The following MPP7 variants were observed in gnomAD, a reference collection of about 807,000 sequenced individuals.
MPP7 encodes MAGUK p55 scaffold protein 7.
In MPP7, 60 loss-of-function variants were observed where a neutral mutation model predicts 76.5. The ratio of observed to expected loss-of-function variants is 0.78; its 90% CI spans 0.64 to 0.97. The LOEUF (loss-of-function observed/expected upper bound fraction) is 0.97, where lower values mean the gene tolerates loss of function less well. Among genes scored for constraint, MPP7 ranks in the 50% least tolerant of loss-of-function variants. The pLI is 0.00. For missense variants in MPP7, 641 were observed against 694.0 expected, an observed-to-expected ratio of 0.92 and a Z score of 0.86; for synonymous variants, 237 against 244.5, an observed-to-expected ratio of 0.97 and a Z score of 0.29.
chr10:28,077,384 A>G (rs1852545326), intron 12 of MPP7, among the ~76,000 whole-genome samples: 1 of 152,144 alleles, frequency 6.6e-6, no homozygotes, highest in Middle Eastern at 3.2e-3. Flanking sequence ...AAAAATAGAG[A>G]CATAATTTCA....
intron 1 of MPP7, among the ~76,000 whole-genome samples, chr10:28,239,823 T>C (rs1839206896): frequency 6.6e-6 from 1 of 152,228 alleles, no homozygotes; most frequent in Non-Finnish European, 1.5e-5. Flanking sequence ...TTTCATCTTC[T>C]TAAGCCTTAA....
chr10:28,277,279 C>G (rs1296134681), intron 1 of MPP7, among the ~76,000 whole-genome samples: 1 of 151,628 alleles, frequency 6.6e-6, no homozygotes, highest in Non-Finnish European at 1.5e-5. Context: ...TGAGTCCAAT[C>G]TTTTGGCTTT....
intron 15 of MPP7, among the ~76,000 whole-genome samples, chr10:28,057,135 A>G: frequency 6.6e-6 from 1 of 152,158 alleles, no homozygotes; most frequent in East Asian, 1.9e-4. Flanking sequence ...GTGAGAGCTG[A>G]AAGTTATTAT....
chr10:28,283,701 G>A (rs1589027375), intron 1 of MPP7, among the ~76,000 whole-genome samples: 1 of 152,106 alleles, frequency 6.6e-6, no homozygotes, highest in Non-Finnish European at 1.5e-5. Context: ...TTTTAGTAGA[G>A]ACGAGGTTTC....
At chr10:28,204,549 C>T (rs1588921392) in intron 2 of MPP7, among the ~76,000 whole-genome samples, 1 of 151,852 alleles carries the variant, frequency 6.6e-6, no homozygotes, top group South Asian at 2.1e-4. Context: ...AAGGATTGTA[C>T]CAATGGCAAT....
intron 5 of MPP7, among the ~76,000 whole-genome samples, chr10:28,134,009 T>C (rs958314725): frequency 6.6e-6 from 1 of 152,204 alleles, no homozygotes; most frequent in Non-Finnish European, 1.5e-5. Context: ...CAAATAATGC[T>C]GCCATAAATG....
chr10:28,193,181 G>C (rs939403439), intron 3 of MPP7, among the ~76,000 whole-genome samples: 1 of 150,194 alleles, frequency 6.7e-6, no homozygotes, highest in Non-Finnish European at 1.5e-5. Flanking sequence ...TTGACAATGA[G>C]TTTTTTTGGG....
At chr10:28,067,367 CTT>C (rs1200371106) in intron 13 of MPP7, among the ~76,000 whole-genome samples, 1 of 152,078 alleles carries the variant, frequency 6.6e-6, no homozygotes, top group African/African-American at 2.4e-5. Flanking sequence ...AAAATATATT[CTT>C]CTTTAATTAA....
intron 3 of MPP7, among the ~76,000 whole-genome samples, chr10:28,155,161 A>G (rs1244068511): frequency 2.0e-5 from 3 of 152,200 alleles, no homozygotes; most frequent in Non-Finnish European, 2.9e-5. Context: ...AGGAGAGTTC[A>G]TGTGTGACTC....
chr10:28,329,587 C>T (rs1280465468), intron 2 of MPP7, among the ~76,000 whole-genome samples: 4 of 142,278 alleles, frequency 2.8e-5, no homozygotes, highest in African/African-American at 8.0e-5. Flanking sequence ...TGAGAGATCG[C>T]GCCACTGCAC....
At chr10:28,317,752 AT>A (rs1834336457) in intron 2 of MPP7, among the ~76,000 whole-genome samples, 1 of 152,208 alleles carries the variant, frequency 6.6e-6, no homozygotes, top group African/African-American at 2.4e-5. Flanking sequence ...TAAGAGAGGC[AT>A]GGGGTAGGTC....
intron 2 of MPP7, among the ~76,000 whole-genome samples, chr10:28,319,756 A>G (rs892443344): frequency 3.3e-5 from 5 of 152,122 alleles, no homozygotes; most frequent in Admixed American, 3.3e-4. Flanking sequence ...CAGGTGGATC[A>G]CTTGAGGCCA....
At chr10:28,297,308 T>C (rs563185895) in intron 1 of MPP7, among the ~76,000 whole-genome samples, 5 of 152,326 alleles carry the variant, frequency 3.3e-5, no homozygotes, top group African/African-American at 4.8e-5. Flanking sequence ...TCATAATCTT[T>C]TTGCTGGTGG....
chr10:28,052,687 C>T lies in MPP7; in HGVS notation c.*1378G>A, dbSNP rs1215822573. The T allele has an allele frequency of 2.0e-5, 3 of 152,184 alleles. No homozygotes were observed. The highest frequency in any genetic ancestry group is 2.4e-5 in the African/African-American group (1 of 41,378). 9.4% of individuals were successfully genotyped at this position (152,184 alleles called of 1,614,324 possible). A position where few individuals can be genotyped will look rare whatever the true frequency, so the allele number is the denominator to read the frequency against. ...CCCGTTTGATATTTAAAAAAATATGCCTTTAAAATATTTCATAAATATATA... is the reference window on the plus strand; with the variant it reads ...CCCGTTTGATATTTAAAAAAATATGTCTTTAAAATATTTCATAAATATATA... On this transcript the variant is annotated 3_prime_UTR_variant, in exon 17 of 17. Transcript: ENST00000683449.
Position 28,202,220 on chromosome 10 carries a change from T to A in MPP7, c.89A>T (p.Asp30Val). ...GAGGAAGGTCAGGTCTTCCTGGCTA[T>A]CCACATGTGGCTGCAGCTGGGCTGG... ...ALPAQLQPHVDSQEDLTFLWD... is the reference protein window; with the variant it reads ...ALPAQLQPHVVSQEDLTFLWD... The change falls in exon 3 of 17, where the codon GAT (aspartate) becomes GTT (valine). Residue 30 changes from aspartate to valine, a missense_variant. Coordinates refer to ENST00000683449, the MANE Select transcript of MPP7 (RefSeq NM_001318170.2). 6.2e-7 allele frequency: 1 copy of A among 1,613,884 alleles called. No individual in the cohort carries two copies. Among genetic ancestry groups the A allele is most frequent in the Non-Finnish European group, 8.5e-7 (1 of 1,179,820 alleles).
At chr10:28,092,114 T>C (rs183828371) in intron 11 of MPP7, among the ~76,000 whole-genome samples, 9 of 152,340 alleles carry the variant, frequency 5.9e-5, no homozygotes, top group African/African-American at 2.2e-4. Context: ...ACAATGGTTT[T>C]ATGTGACTCA....
At chr10:28,210,120 C>T (rs1838082384) in intron 2 of MPP7, among the ~76,000 whole-genome samples, 1 of 152,168 alleles carries the variant, frequency 6.6e-6, no homozygotes, top group South Asian at 2.1e-4. Flanking sequence ...AATCTTGGCT[C>T]TCAGGCCTTC....
chr10:28,180,316 A>T lies in MPP7; in HGVS notation c.156+21837T>A, dbSNP rs146220287. On this transcript the variant is annotated intron_variant, in intron 3 of 16. Transcript: ENST00000683449. ...TATTAATATTAAACTGGAATAATCA[A>T]GTAAAACAGGGACATCTTACAAGAC... Among the ~76,000 whole-genome samples, 548 of 152,348 alleles carry T rather than the reference A, an allele frequency of 3.6e-3. 1 individual carries two copies. Among genetic ancestry groups the T allele is most frequent in the Admixed American group, 8.6e-3 (132 of 15,298 alleles).
chr10:28,181,956 G>T (rs946068325), intron 3 of MPP7, among the ~76,000 whole-genome samples: 1 of 152,186 alleles, frequency 6.6e-6, no homozygotes, highest in Non-Finnish European at 1.5e-5. Context: ...AGCTAATAAG[G>T]ATTTTGTGTT....
Sources: allele counts gnomAD v4.1 joint callset (sites outside exome capture counted in the v4.1 genomes callset), GRCh38; gene constraint gnomAD v4.1.1; transcripts MANE v1.5; gene names NCBI Gene and HGNC (gene_info 2026-07-23, HGNC 2026-07-21).